GAS7: variants seen among roughly 807,000 people sequenced by gnomAD.
GAS7 encodes growth arrest specific 7.
In GAS7, 28 loss-of-function variants were observed where a neutral mutation model predicts 71.1. The observed-to-expected ratio is 0.39, with a 90% CI of 0.29 to 0.54. The LOEUF is 0.54. Ranked by LOEUF, GAS7 falls within the 20% of genes least tolerant of loss-of-function variation. The pLI, the probability that GAS7 is intolerant of heterozygous loss-of-function variation, is 0.62. For synonymous variants in GAS7, 258 were observed against 245.8 expected (o/e 1.05, Z -0.46); for missense variants, 436 against 627.8 (o/e 0.69, Z 3.27).
intron 3 of GAS7, among the ~76,000 whole-genome samples, chr17:9,977,723 T>C (rs1424886074): frequency 9.2e-6 from 1 of 108,172 alleles, no homozygotes; most frequent in African/African-American, 3.7e-5. Context: ...ATTCAAAGAC[T>C]GGAGTCTAGT....
chr17:10,057,649 C>A (rs796238469), intron 1 of GAS7, among the ~76,000 whole-genome samples: 2 of 108,780 alleles, frequency 1.8e-5, no homozygotes, highest in Non-Finnish European at 4.0e-5. Flanking sequence ...CCCCGCCCCG[C>A]CAGCCGCCCC....
chr17:9,918,185 C>T (rs2067660905), intron 12 of GAS7, 86 bp from the exon 13 acceptor site: 1 of 873,382 alleles, frequency 1.1e-6, no homozygotes, highest in African/African-American at 1.7e-5. Context: ...ACGCAAGTCA[C>T]TGGCTGTGGA....
At chr17:9,954,860 A>G (rs1336255080) in intron 5 of GAS7, among the ~76,000 whole-genome samples, 1 of 151,978 alleles carries the variant, frequency 6.6e-6, no homozygotes, top group African/African-American at 2.4e-5. Context: ...ATCCATTGGG[A>G]TGGAAGATGG....
chr17:10,148,842 G>A (rs574060417), intron 1 of GAS7, among the ~76,000 whole-genome samples: 12 of 150,058 alleles, frequency 8.0e-5, no homozygotes, highest in Middle Eastern at 3.5e-3. Flanking sequence ...CCTGGGAGGC[G>A]GAGCTTGCAG....
At chr17:10,183,303 CCAGA>C (rs1321780908) in intron 1 of GAS7, among the ~76,000 whole-genome samples, 6 of 152,126 alleles carry the variant, frequency 3.9e-5, no homozygotes, top group African/African-American at 9.7e-5. Context: ...TAATGCTGCA[CCAGA>C]CAGTCTTGCA....
At chr17:10,111,548 C>G (rs1388075877) in intron 1 of GAS7, among the ~76,000 whole-genome samples, 1 of 102,956 alleles carries the variant, frequency 9.7e-6, no homozygotes, top group Admixed American at 1.1e-4. Flanking sequence ...AACAAACAAA[C>G]AAACAAACAA....
intron 1 of GAS7, among the ~76,000 whole-genome samples, chr17:10,185,583 T>C (rs1421563851): frequency 6.6e-6 from 1 of 152,170 alleles, no homozygotes; most frequent in African/African-American, 2.4e-5. Flanking sequence ...TGAGCCATCC[T>C]AGGAAATTAA....
At chr17:10,139,920 G>A (rs1428508640) in intron 1 of GAS7, among the ~76,000 whole-genome samples, 1 of 152,164 alleles carries the variant, frequency 6.6e-6, no homozygotes, top group South Asian at 2.1e-4. Flanking sequence ...CATTGGTTAG[G>A]TCCATGACAC....
At chr17:10,112,830 AG>A (rs1254130544) in intron 1 of GAS7, among the ~76,000 whole-genome samples, 2 of 151,906 alleles carry the variant, frequency 1.3e-5, no homozygotes, top group African/African-American at 4.8e-5. Context: ...GAAAGAGGGA[AG>A]GAAGGAAAGA....
intron 1 of GAS7, among the ~76,000 whole-genome samples, chr17:10,093,780 C>T (rs2073613102): frequency 6.6e-6 from 1 of 152,092 alleles, no homozygotes; most frequent in Non-Finnish European, 1.5e-5. Context: ...TCAGCTGACC[C>T]CATTTTTTTC....
chr17:10,105,344 C>T (rs973129811), intron 1 of GAS7, among the ~76,000 whole-genome samples: 1 of 152,134 alleles, frequency 6.6e-6, no homozygotes, highest in Admixed American at 6.5e-5. Context: ...CACCTGCCTG[C>T]AGCCCAGCTT....
intron 2 of GAS7, among the ~76,000 whole-genome samples, chr17:10,010,755 G>A (rs548771230): frequency 5.2e-4 from 79 of 152,290 alleles, no homozygotes; most frequent in Admixed American, 1.7e-3. Flanking sequence ...GTAGTGAAGT[G>A]TTATACATCT....
At chr17:10,069,360 G>C (rs933004084) in intron 1 of GAS7, among the ~76,000 whole-genome samples, 1 of 152,200 alleles carries the variant, frequency 6.6e-6, no homozygotes, top group African/African-American at 2.4e-5. Flanking sequence ...TGCGGACAGA[G>C]AGCTCACTCC....
intron 1 of GAS7, among the ~76,000 whole-genome samples, chr17:10,142,045 G>A (rs966297997): frequency 1.1e-4 from 16 of 152,060 alleles, no homozygotes; most frequent in African/African-American, 3.4e-4. Flanking sequence ...TGGCTAACAT[G>A]GTGAAACCCC....
At chr17:10,083,890 G>T (rs2073485532) in intron 1 of GAS7, among the ~76,000 whole-genome samples, 1 of 152,212 alleles carries the variant, frequency 6.6e-6, no homozygotes, top group South Asian at 2.1e-4. Context: ...GAAGGGTAGG[G>T]ATCAATCAGA....
At chr17:10,124,002 C>T (rs1230687314) in intron 1 of GAS7, among the ~76,000 whole-genome samples, 2 of 152,360 alleles carry the variant, frequency 1.3e-5, no homozygotes, top group East Asian at 3.9e-4. Flanking sequence ...CTTGCCAGGC[C>T]TCGCAGGGCT....
chr17:9,956,309 G>A (rs975548880), intron 5 of GAS7, among the ~76,000 whole-genome samples: 3 of 152,032 alleles, frequency 2.0e-5, no homozygotes, highest in African/African-American at 7.2e-5. Flanking sequence ...AGCCAGCCCC[G>A]GAGCTCTGTG....
At chr17:10,160,939 TACACACAC>T (rs61578754) in intron 1 of GAS7, among the ~76,000 whole-genome samples, 52 of 139,692 alleles carry the variant, frequency 3.7e-4, no homozygotes, top group Middle Eastern at 3.6e-3. Flanking sequence ...ATTGAAACCA[TACACACAC>T]ACACACACAC....
intron 1 of GAS7, among the ~76,000 whole-genome samples, chr17:10,178,781 G>C (rs1448591110): frequency 8.4e-6 from 1 of 118,444 alleles, no homozygotes; most frequent in African/African-American, 3.3e-5. Flanking sequence ...GAAGTCATCA[G>C]AAACAGGAAG....
Sources: allele counts gnomAD v4.1 joint callset (sites outside exome capture counted in the v4.1 genomes callset), GRCh38; gene constraint gnomAD v4.1.1; transcripts MANE v1.5; gene names NCBI Gene and HGNC (gene_info 2026-07-23, HGNC 2026-07-21).